FOXP1: variants seen among roughly 807,000 people sequenced by gnomAD.
FOXP1 encodes the protein forkhead box protein P1.
A neutral mutation model predicts 98.2 loss-of-function variants in FOXP1; 15 were observed. That is an observed-to-expected ratio of 0.15 (90% confidence interval 0.10 to 0.24). FOXP1 has a LOEUF of 0.24. Ranked by LOEUF, FOXP1 falls within the 10% of genes least tolerant of loss-of-function variation. FOXP1 has a pLI of 1.00. For missense variants in FOXP1, 633 were observed against 848.5 expected, an observed-to-expected ratio of 0.75 and a Z score of 3.15; for synonymous variants, 371 against 314.5, an observed-to-expected ratio of 1.18 and a Z score of -1.90.
intron 2 of FOXP1, among the ~76,000 whole-genome samples, chr3:71,558,387 T>C (rs2046293204): frequency 6.6e-6 from 1 of 152,228 alleles, no homozygotes; most frequent in African/African-American, 2.4e-5. Context: ...ATGACTTCTA[T>C]CTACTCACAG....
intron 2 of FOXP1, among the ~76,000 whole-genome samples, chr3:71,517,193 C>T (rs1040070540): frequency 6.7e-6 from 1 of 148,336 alleles, no homozygotes; most frequent in South Asian, 2.1e-4. Context: ...GGTGATCTAT[C>T]AAAAAAAAAA....
At chr3:71,362,087 A>G (rs1202596326) in intron 3 of FOXP1, among the ~76,000 whole-genome samples, 1 of 152,236 alleles carries the variant, frequency 6.6e-6, no homozygotes, top group African/African-American at 2.4e-5. Context: ...AGGCCCCTGG[A>G]TCACAATATG....
intron 3 of FOXP1, among the ~76,000 whole-genome samples, chr3:71,422,388 T>C (rs1443560733): frequency 6.6e-6 from 1 of 152,218 alleles, no homozygotes; most frequent in African/African-American, 2.4e-5. Context: ...AAAAGACTGA[T>C]TCAGTCGGTC....
intron 7 of FOXP1, among the ~76,000 whole-genome samples, chr3:71,079,553 A>G (rs1198352004): frequency 6.6e-6 from 1 of 152,242 alleles, no homozygotes; most frequent in Non-Finnish European, 1.5e-5. Context: ...TCTGAGAGAT[A>G]TTGTGATCAG....
At chr3:71,565,548 CTTAA>C (rs1265402147) in intron 2 of FOXP1, among the ~76,000 whole-genome samples, 1 of 152,106 alleles carries the variant, frequency 6.6e-6, no homozygotes, top group East Asian at 1.9e-4. Context: ...TCTGTCAGGT[CTTAA>C]TTAAGTGCTC....
At chr3:71,272,519 C>T (rs1282261102) in intron 5 of FOXP1, among the ~76,000 whole-genome samples, 1 of 152,000 alleles carries the variant, frequency 6.6e-6, no homozygotes, top group Non-Finnish European at 1.5e-5. Flanking sequence ...TAGAAGCTTC[C>T]ATGCCTGTGT....
At chr3:71,350,989 T>C (rs1457132392) in intron 4 of FOXP1, among the ~76,000 whole-genome samples, 1 of 152,062 alleles carries the variant, frequency 6.6e-6, no homozygotes, top group Non-Finnish European at 1.5e-5. Context: ...CTCCAGTAAG[T>C]GTTTCACCGA....
In FOXP1 at chr3:71,528,806, A is replaced by T. The variant is rs527863029; in HGVS notation, c.-297-35251T>A. Among the ~76,000 whole-genome samples, 7 of 152,334 alleles carry T rather than the reference A, an allele frequency of 4.6e-5. No homozygotes were observed. The South Asian group carries it at 1.4e-3, about 32-fold the overall frequency. On this transcript the variant is annotated intron_variant, in intron 2 of 20. Coordinates refer to ENST00000649528, the MANE Select transcript of FOXP1 (RefSeq NM_001349338.3). ...GATAATGTCACTCAGAACTTCAAAG[A>T]CACAGCTTTGGCCTGAAGGTGGGGG...
At chr3:71,162,701 GCC>G (rs2061201981) in intron 6 of FOXP1, among the ~76,000 whole-genome samples, 2 of 152,140 alleles carry the variant, frequency 1.3e-5, no homozygotes, top group Non-Finnish European at 2.9e-5. Context: ...ATTGTTACTT[GCC>G]AACATGTGGA....
At chr3:71,053,495 G>A (rs1486781004) in intron 8 of FOXP1, 141 bp downstream of exon 8, 12 of 941,192 alleles carry the variant, frequency 1.3e-5, no homozygotes, top group South Asian at 6.1e-5. Flanking sequence ...TCAGGGAGTG[G>A]TCTGTGTCCT....
intron 7 of FOXP1, among the ~76,000 whole-genome samples, chr3:71,109,187 T>A (rs1388898991): frequency 6.6e-6 from 1 of 152,224 alleles, no homozygotes; most frequent in African/African-American, 2.4e-5. Context: ...AGTATGTGGA[T>A]CTGCAAAGAG....
At chr3:71,106,025 G>A (rs912247536) in intron 7 of FOXP1, among the ~76,000 whole-genome samples, 1 of 152,120 alleles carries the variant, frequency 6.6e-6, no homozygotes, top group African/African-American at 2.4e-5. Context: ...CGGCACACTG[G>A]TTATCTGTGG....
At chr3:71,329,513 C>G (rs114381559) in intron 4 of FOXP1, among the ~76,000 whole-genome samples, 23,036 of 151,652 alleles carry the variant, frequency 0.15, 2,063 homozygotes, top group Non-Finnish European at 0.21. Context: ...GCCACCGCGC[C>G]CGGCCACAAA....
chr3:71,164,494 C>T (rs1317477693), intron 6 of FOXP1, among the ~76,000 whole-genome samples: 1 of 152,144 alleles, frequency 6.6e-6, no homozygotes, highest in Non-Finnish European at 1.5e-5. Flanking sequence ...GCACAGCGCC[C>T]GGTCCCGACT....
At chr3:71,504,664 T>C (rs2041672326) in intron 2 of FOXP1, among the ~76,000 whole-genome samples, 1 of 151,990 alleles carries the variant, frequency 6.6e-6, no homozygotes, top group Non-Finnish European at 1.5e-5. Context: ...TGGAATGATG[T>C]GGTTTGGAAA....
rs1459516598 is a variant in FOXP1, at chr3:70,958,345, A to G, written c.*902T>C. 7.5e-6 allele frequency: 4 copies of G among 532,926 alleles called. No homozygotes were observed. The Admixed American group carries it at 8.9e-5, about 12-fold the overall frequency. The allele number at this position is 532,926 out of a possible 1,614,324, so 33.0% of individuals were successfully genotyped here. On this transcript the variant is annotated 3_prime_UTR_variant, in exon 21 of 21. Coordinates refer to ENST00000649528, the MANE Select transcript of FOXP1 (RefSeq NM_001349338.3). The stretch of plus-strand genomic sequence containing the variant: ...TTCTGTCATTCATTCTCTTTCTGGC[A>G]GGACGTCACGTCTGTGTGAGAGGGC...
intron 4 of FOXP1, chr3:71,306,085 G>A (rs2074252144): frequency 6.6e-6 from 1 of 152,214 alleles, no homozygotes; most frequent in South Asian, 2.1e-4. Flanking sequence ...GATTAAATAT[G>A]CAGGAAGAGG....
chr3:71,496,917 G>A (rs1366672962), intron 2 of FOXP1, among the ~76,000 whole-genome samples: 1 of 151,530 alleles, frequency 6.6e-6, no homozygotes, highest in Non-Finnish European at 1.5e-5. Context: ...AAGTAACCAG[G>A]CATATCTAAA....
chr3:71,282,807 A>T (rs2071708689), intron 5 of FOXP1, among the ~76,000 whole-genome samples: 1 of 152,182 alleles, frequency 6.6e-6, no homozygotes, highest in Admixed American at 6.5e-5. Flanking sequence ...CAATTAACTG[A>T]AAGTATTCAG....
Sources: gnomAD v4.1 joint callset for allele counts (sites outside exome capture counted in the v4.1 genomes callset) on GRCh38, gnomAD v4.1.1 for gene constraint, MANE v1.5 for transcripts, NCBI Gene and HGNC (gene_info 2026-07-23, HGNC 2026-07-21) for gene names.